ARFGEF1: variants seen among roughly 807,000 people sequenced by gnomAD.
The protein encoded by ARFGEF1 is brefeldin A-inhibited guanine nucleotide-exchange protein 1.
A neutral mutation model predicts 231.0 loss-of-function variants in ARFGEF1; 42 were observed. The observed-to-expected ratio is 0.18, with a 90% CI of 0.14 to 0.24. ARFGEF1 has a LOEUF of 0.24. ARFGEF1 is among the 10% of genes least tolerant of loss of function. The pLI is 1.00. For synonymous variants in ARFGEF1, 710 were observed against 732.3 expected (o/e 0.97, Z 0.49); for missense variants, 1,345 against 2,192.0 (o/e 0.61, Z 7.72).
At chr8:67,195,304 G>T, downstream of ARFGEF1, 1 of 860,342 alleles carries the variant, frequency 1.2e-6, no homozygotes, top group Non-Finnish European at 2.0e-6. Flanking sequence ...GTAATGAGTT[G>T]GACTACAAGA....
At chr8:67,250,278 T>C (rs974274773) in intron 19 of ARFGEF1, among the ~76,000 whole-genome samples, 2 of 152,106 alleles carry the variant, frequency 1.3e-5, no homozygotes, top group African/African-American at 2.4e-5. Context: ...AAAGTAGACA[T>C]GAAGATGCCT....
Position 67,343,252 on chromosome 8 carries a change from C to G in ARFGEF1, c.36G>C (p.Leu12=). 1.9e-6 allele frequency: 3 copies of G among 1,613,988 alleles called. No homozygotes were observed. Among genetic ancestry groups the G allele is most frequent in the South Asian group, 2.2e-5 (2 of 91,076 alleles). Residue 12 remains leucine, a synonymous_variant, in exon 1 of 39, where the codon CTG becomes CTC. Coordinates refer to ENST00000262215, the MANE Select transcript of ARFGEF1 (RefSeq NM_006421.5). ...CCAATATCTTCTCCAGAGCCCGGGT[C>G]AGGAACATGTTCTTCGTCTTCTTCC... ...YEGKKTKNMF[L]TRALEKILAD... is the part of the protein sequence containing the mutation.
In ARFGEF1 at chr8:67,228,135, G is replaced by A. The variant is rs1481300959; in HGVS notation, c.3422-3C>T. The A allele has an allele frequency of 6.2e-7, 1 of 1,609,726 alleles. No individual in the cohort carries two copies. Among genetic ancestry groups the A allele is most frequent in the East Asian group, 2.2e-5 (1 of 44,804 alleles). On this transcript the variant is annotated splice_region_variant and splice_polypyrimidine_tract_variant and intron_variant, in intron 24 of 38. Coordinates refer to ENST00000262215, the MANE Select transcript of ARFGEF1 (RefSeq NM_006421.5). Reference sequence around the variant, plus strand: ...ACAGAGCCAACGGACAAAATCCACTGTAATATAAATACATTTTTTTTTTAG... The same window carrying A: ...ACAGAGCCAACGGACAAAATCCACTATAATATAAATACATTTTTTTTTTAG...
intron 34 of ARFGEF1, among the ~76,000 whole-genome samples, chr8:67,210,071 C>T (rs926596543): frequency 3.4e-5 from 5 of 146,554 alleles, no homozygotes; most frequent in Admixed American, 2.8e-4. Flanking sequence ...AGGAGAATGG[C>T]GTGAACCCGG....
intron 28 of ARFGEF1, among the ~76,000 whole-genome samples, chr8:67,225,714 A>T (rs572053978): frequency 4.6e-4 from 70 of 152,228 alleles, no homozygotes; most frequent in African/African-American, 1.7e-3. Context: ...CTATGGGCAC[A>T]TTTTAAAATT....
intron 19 of ARFGEF1, among the ~76,000 whole-genome samples, chr8:67,250,553 G>T (rs1036952591): frequency 1.3e-5 from 2 of 152,226 alleles, no homozygotes; most frequent in African/African-American, 4.8e-5. Flanking sequence ...GGAAGCACAA[G>T]AATCCTGTAG....
At chr8:67,320,419 G>A (rs1004283502) in intron 1 of ARFGEF1, among the ~76,000 whole-genome samples, 1 of 152,002 alleles carries the variant, frequency 6.6e-6, no homozygotes, top group Non-Finnish European at 1.5e-5. Context: ...ATGCACAATA[G>A]CACAGCCACT....
chr8:67,182,984 C>T (rs1429860519), intron 5 of ARFGEF1, among the ~76,000 whole-genome samples: 1 of 152,148 alleles, frequency 6.6e-6, no homozygotes, highest in African/African-American at 2.4e-5. Context: ...AATTTTGATA[C>T]AGTCCAATTT....
chr8:67,240,258 A>G lies in ARFGEF1; in HGVS notation c.2883T>C (p.Ser961=), dbSNP rs1440400595. Residue 961 remains serine, a synonymous_variant, in exon 20 of 39, where the codon AGT becomes AGC. Coordinates refer to ENST00000262215, the MANE Select transcript of ARFGEF1 (RefSeq NM_006421.5). ...LAWTPFLAAF[S]VGLQDCDDTE... ...TATCATCACAATCTTGTAGACCCAC[A>G]CTGAATGCAGCCAGAAAAGGCGTCC... 1 of 1,608,866 alleles carries G rather than the reference A, an allele frequency of 6.2e-7. No individual in the cohort carries two copies. Among genetic ancestry groups the G allele is most frequent in the Admixed American group, 1.7e-5 (1 of 58,578 alleles).
chr8:67,291,726 C>A (rs1429152488), intron 6 of ARFGEF1, 121 bp downstream of exon 6: 1 of 1,325,174 alleles, frequency 7.5e-7, no homozygotes, highest in African/African-American at 1.5e-5. Context: ...TCCACAATTA[C>A]CACAATGTGT....
chr8:67,285,081 C>G (rs1165558063), intron 7 of ARFGEF1, among the ~76,000 whole-genome samples: 11 of 128,076 alleles, frequency 8.6e-5, no homozygotes, highest in Admixed American at 5.1e-4. Context: ...TCATTAAGCC[C>G]ATGGTATTAT....
intron 30 of ARFGEF1, among the ~76,000 whole-genome samples, chr8:67,218,817 AAAAAG>A (rs1407211930): frequency 6.6e-6 from 1 of 152,244 alleles, no homozygotes. Flanking sequence ...ACTCAATATA[AAAAAG>A]AAGTCACTAT....
chr8:67,315,169 G>T (rs1398147906), intron 1 of ARFGEF1, among the ~76,000 whole-genome samples: 2 of 152,218 alleles, frequency 1.3e-5, no homozygotes, highest in African/African-American at 4.8e-5. Context: ...CAGAACAAAA[G>T]ACATTACACA....
At chr8:67,179,798 G>C in intron 5 of ARFGEF1, 1 of 1,090,700 alleles carries the variant, frequency 9.2e-7, no homozygotes, top group Non-Finnish European at 1.4e-6. Flanking sequence ...CCTCTTCTTA[G>C]TATAAATTTG....
At chr8:67,227,890 AATTTG>A in intron 25 of ARFGEF1, 68 bp downstream of exon 25, 1 of 1,265,458 alleles carries the variant, frequency 7.9e-7, no homozygotes, top group Admixed American at 3.0e-5. Context: ...AAAAAGGCTC[AATTTG>A]ATTACAAGGA....
intron 6 of ARFGEF1, among the ~76,000 whole-genome samples, chr8:67,288,959 C>CAA (rs550504271): frequency 1.4e-3 from 200 of 142,786 alleles, no homozygotes; most frequent in African/African-American, 4.5e-3. Context: ...ACAAAAAAAA[C>CAA]AAAAAAAAAA....
intron 15 of ARFGEF1, among the ~76,000 whole-genome samples, chr8:67,259,033 T>C (rs917097438): frequency 2.0e-5 from 3 of 152,086 alleles, no homozygotes; most frequent in South Asian, 2.1e-4. Flanking sequence ...ACAATGTAAA[T>C]AGGTTTTCTG....
intron 9 of ARFGEF1, among the ~76,000 whole-genome samples, chr8:67,272,482 A>G (rs978343305): frequency 6.6e-6 from 1 of 152,060 alleles, no homozygotes; most frequent in African/African-American, 2.4e-5. Context: ...CTTTTTAAAA[A>G]GAAAAAAAAA....
chr8:67,228,674 CAGTAA>C (rs1209149792), intron 23 of ARFGEF1, among the ~76,000 whole-genome samples: 5 of 151,872 alleles, frequency 3.3e-5, no homozygotes, highest in Admixed American at 6.6e-5. Context: ...GTATTTTTAC[CAGTAA>C]AGTATATTTG....
Sources: gnomAD v4.1 joint callset for allele counts (sites outside exome capture counted in the v4.1 genomes callset) on GRCh38, gnomAD v4.1.1 for gene constraint, MANE v1.5 for transcripts, NCBI Gene and HGNC (gene_info 2026-07-23, HGNC 2026-07-21) for gene names.